The following FUT9 variants were observed in gnomAD, a reference collection of about 807,000 sequenced individuals.
FUT9 encodes the protein 4-galactosyl-N-acetylglucosaminide 3-alpha-L-fucosyltransferase 9.
FUT9 carries 15 observed loss-of-function variants against 29.7 expected under a neutral mutation model. That is an observed-to-expected ratio of 0.51 (90% CI 0.34 to 0.78). The LOEUF (loss-of-function observed/expected upper bound fraction) is 0.78, where lower values mean the gene tolerates loss of function less well. FUT9 is among the 30% of genes least tolerant of loss of function. The pLI is 0.01. For synonymous variants in FUT9, 169 were observed against 153.7 expected (o/e 1.10, Z -0.74); for missense variants, 319 against 425.4 (o/e 0.75, Z 2.20).
intron 2 of FUT9, among the ~76,000 whole-genome samples, chr6:96,130,443 T>C (rs989155544): frequency 2.0e-4 from 30 of 152,286 alleles, no homozygotes; most frequent in African/African-American, 7.2e-4. Flanking sequence ...CACAATAACA[T>C]GGGCTCCATT....
At chr6:96,031,382 C>T (rs1433173964) in intron 1 of FUT9, among the ~76,000 whole-genome samples, 2 of 135,884 alleles carry the variant, frequency 1.5e-5, no homozygotes, top group Non-Finnish European at 3.1e-5. Context: ...GATTTTGAGA[C>T]AGATTAGTAG....
chr6:96,046,173 C>A (rs886497124), intron 1 of FUT9, among the ~76,000 whole-genome samples: 2 of 149,554 alleles, frequency 1.3e-5, no homozygotes, highest in African/African-American at 2.5e-5. Flanking sequence ...TAACTAGGAC[C>A]CAAAAGGGGA....
At chr6:96,087,053 C>T (rs1390293665) in intron 1 of FUT9, among the ~76,000 whole-genome samples, 18 of 152,106 alleles carry the variant, frequency 1.2e-4, no homozygotes, top group Admixed American at 1.1e-3. Context: ...TGGGTGAAGA[C>T]CAGTTCTTAG....
At chr6:96,130,001 A>G (rs1442541465) in intron 2 of FUT9, among the ~76,000 whole-genome samples, 2 of 152,090 alleles carry the variant, frequency 1.3e-5, no homozygotes, top group South Asian at 4.1e-4. Flanking sequence ...AGCTTTGGCT[A>G]GAATCAAAAT....
intron 1 of FUT9, among the ~76,000 whole-genome samples, chr6:96,030,378 A>T (rs779618438): frequency 6.6e-6 from 1 of 151,622 alleles, no homozygotes; most frequent in African/African-American, 2.4e-5. Context: ...ACTGGTAATT[A>T]CTAAGAAAAT....
intron 2 of FUT9, among the ~76,000 whole-genome samples, chr6:96,127,243 C>T (rs2127967457): frequency 6.6e-6 from 1 of 152,222 alleles, no homozygotes; most frequent in South Asian, 2.1e-4. Context: ...TCTTTGTGTA[C>T]ATGTGTACTC....
intron 1 of FUT9, among the ~76,000 whole-genome samples, chr6:96,063,346 A>T (rs1362091285): frequency 6.6e-6 from 1 of 152,132 alleles, no homozygotes; most frequent in Non-Finnish European, 1.5e-5. Flanking sequence ...AGGCCTCAGG[A>T]AGCTTACAAT....
At chr6:96,049,536 A>G (rs1030107034) in intron 1 of FUT9, among the ~76,000 whole-genome samples, 3 of 152,218 alleles carry the variant, frequency 2.0e-5, no homozygotes, top group African/African-American at 7.2e-5. Context: ...GCGAGGGCCA[A>G]GGTAAACTAT....
At chr6:96,082,358 CT>C (rs1554191249) in intron 1 of FUT9, among the ~76,000 whole-genome samples, 4 of 150,496 alleles carry the variant, frequency 2.7e-5, no homozygotes, top group African/African-American at 7.3e-5. Flanking sequence ...TTTACTTTCA[CT>C]TTTTTTTTCA....
chr6:96,069,264 T>C (rs1385868741), intron 1 of FUT9, among the ~76,000 whole-genome samples: 4 of 151,416 alleles, frequency 2.6e-5, no homozygotes, highest in Non-Finnish European at 4.4e-5. Flanking sequence ...GAGGTTGCAG[T>C]GAGCCGAGAT....
intron 1 of FUT9, among the ~76,000 whole-genome samples, chr6:96,023,940 C>A (rs1360752044): frequency 2.0e-5 from 3 of 152,014 alleles, no homozygotes; most frequent in Admixed American, 2.0e-4. Flanking sequence ...CACTTCACTA[C>A]ATTTGGCCTT....
At chr6:96,064,484 G>T (rs149953830) in intron 1 of FUT9, among the ~76,000 whole-genome samples, 1 of 152,180 alleles carries the variant, frequency 6.6e-6, no homozygotes, top group South Asian at 2.1e-4. Context: ...GGCTGATGGC[G>T]TCATTAGAGC....
chr6:96,119,341 A>G (rs1402090076), intron 2 of FUT9, among the ~76,000 whole-genome samples: 2 of 152,202 alleles, frequency 1.3e-5, no homozygotes, highest in African/African-American at 4.8e-5. Flanking sequence ...TAAAGCATTC[A>G]GTATAGTAAC....
chr6:96,085,862 G>A (rs185000513), intron 1 of FUT9, among the ~76,000 whole-genome samples: 195 of 152,100 alleles, frequency 1.3e-3, no homozygotes, highest in Admixed American at 2.9e-3. Flanking sequence ...TTATTTAGTC[G>A]TTCCTCTGGA....
chr6:96,185,707 G>T (rs1773393466), intron 2 of FUT9, among the ~76,000 whole-genome samples: 1 of 152,046 alleles, frequency 6.6e-6, no homozygotes, highest in African/African-American at 2.4e-5. Flanking sequence ...CCACTCTGGT[G>T]GGAGGGAAAA....
intron 2 of FUT9, among the ~76,000 whole-genome samples, chr6:96,166,574 G>T (rs1308055488): frequency 6.6e-6 from 1 of 152,110 alleles, no homozygotes; most frequent in African/African-American, 2.4e-5. Context: ...ATTCTGGAAT[G>T]CCATTGGTTG....
intron 2 of FUT9, among the ~76,000 whole-genome samples, chr6:96,151,481 T>C (rs949216953): frequency 4.6e-5 from 7 of 152,196 alleles, no homozygotes; most frequent in African/African-American, 1.2e-4. Flanking sequence ...AGACATACTT[T>C]AAGGGACCAG....
At chr6:96,039,838 T>C (rs1770425134) in intron 1 of FUT9, among the ~76,000 whole-genome samples, 1 of 152,158 alleles carries the variant, frequency 6.6e-6, no homozygotes, top group Admixed American at 6.6e-5. Flanking sequence ...CGTAATGAAA[T>C]GAATAAATAC....
chr6:96,113,389 C>T (rs1394462609), intron 1 of FUT9, among the ~76,000 whole-genome samples: 1 of 151,884 alleles, frequency 6.6e-6, no homozygotes, highest in Non-Finnish European at 1.5e-5. Context: ...CAAGTGCCTG[C>T]TACCACACCC....
Sources: gnomAD v4.1 joint callset for allele counts (sites outside exome capture counted in the v4.1 genomes callset) on GRCh38, gnomAD v4.1.1 for gene constraint, MANE v1.5 for transcripts, NCBI Gene and HGNC (gene_info 2026-07-23, HGNC 2026-07-21) for gene names.